PPP2R2C: variants seen among roughly 807,000 people sequenced by gnomAD.
PPP2R2C encodes the protein protein phosphatase 2 regulatory subunit Bgamma, also known as protein phosphatase 2, regulatory subunit B, gamma.
PPP2R2C carries 10 observed loss-of-function variants against 45.3 expected under a neutral mutation model. The observed-to-expected ratio is 0.22, with a 90% CI of 0.14 to 0.37. The LOEUF (loss-of-function observed/expected upper bound fraction) is 0.37, where lower values mean the gene tolerates loss of function less well. Among genes scored for constraint, PPP2R2C ranks in the 10% least tolerant of loss-of-function variants. The pLI, the probability that PPP2R2C is intolerant of heterozygous loss-of-function variation, is 1.00. For synonymous variants in PPP2R2C, 257 were observed against 245.4 expected (o/e 1.05, Z -0.44); for missense variants, 308 against 619.7 (o/e 0.50, Z 5.34).
In PPP2R2C at chr4:6,471,199, G is replaced by C. The variant is rs1361732955; in HGVS notation, c.70+961C>G. On this transcript the variant is annotated intron_variant, in intron 1 of 8. Coordinates refer to ENST00000382599, the MANE Select transcript of PPP2R2C (RefSeq NM_020416.4). The surrounding 1 kb of genome is among the most constrained non-coding windows in gnomAD (Gnocchi z 5.6). ...GGAATCCGCGCACACTTCTGCGGCC[G>C]GGCCGCCAGCCCGTGGGTTAGCGGC... Among the ~76,000 whole-genome samples, 1 of 152,170 alleles carries C rather than the reference G, an allele frequency of 6.6e-6. No individual in the cohort carries two copies. The highest frequency in any genetic ancestry group is 2.4e-5 in the African/African-American group (1 of 41,462).
intron 5 of PPP2R2C, among the ~76,000 whole-genome samples, chr4:6,358,198 T>G (rs535345222): frequency 6.6e-6 from 1 of 152,276 alleles, no homozygotes; most frequent in East Asian, 1.9e-4. Context: ...TACAACCATC[T>G]GATCTTTGAC....
intron 2 of PPP2R2C, among the ~76,000 whole-genome samples, chr4:6,477,665 G>T (rs1180018261): frequency 6.9e-6 from 1 of 145,184 alleles, no homozygotes; most frequent in Non-Finnish European, 1.5e-5. Flanking sequence ...GGCGGAGCTT[G>T]CAGTGAGCCA....
At chr4:6,434,785 C>T (rs1439949609) in intron 1 of PPP2R2C, among the ~76,000 whole-genome samples, 6 of 9,896 alleles carry the variant, frequency 6.1e-4, no homozygotes, top group East Asian at 6.0e-3. Context: ...CTTGCCTATA[C>T]GATAGATAAA....
At position 6,375,850 on chromosome 4, in the gene PPP2R2C, A is replaced by G; in HGVS notation, c.416T>C (p.Leu139Pro). The G allele has an allele frequency of 1.2e-6, 2 of 1,614,124 alleles. No homozygotes were observed. Among genetic ancestry groups the G allele is most frequent in the South Asian group, 1.1e-5 (1 of 91,068 alleles). ...GYNLKDEEGK[L>P]KDLSTVTSLQ... ...TGACGTCACCGTGGACAGGTCCTTAAGTTTCCCCTCTTCATCCTTCAGGTT... is the reference window on the plus strand; with the variant it reads ...TGACGTCACCGTGGACAGGTCCTTAGGTTTCCCCTCTTCATCCTTCAGGTT... Residue 139 changes from leucine (L) to proline (P), a missense_variant, in exon 4 of 9, where the codon CTT (leucine) becomes CCT (proline). Leu to Pro is a moderately conservative substitution (Grantham distance 98, BLOSUM62 -3). Transcript: ENST00000382599.
Position 6,472,173 on chromosome 4 carries a change from G to C in PPP2R2C, c.57C>G (p.Ser19Arg). 1 of 1,613,618 alleles carries C rather than the reference G, an allele frequency of 6.2e-7. No individual in the cohort carries two copies. Among genetic ancestry groups the C allele is most frequent in the African/African-American group, 1.3e-5 (1 of 75,032 alleles). Residue 19 changes from serine (S) to arginine (R), a missense_variant, in exon 1 of 9, where the codon AGC (serine) becomes AGG (arginine). Physicochemically the swap from Ser to Arg is moderately radical, Grantham distance 110. Coordinates refer to ENST00000382599, the MANE Select transcript of PPP2R2C (RefSeq NM_020416.4). ...KINHSFLRDH[S>R]YVTEADIIST... ...CACGTACGTTACCTTCAGTCACATA[G>C]CTGTGGTCCCGCAGGAAGCTGTGGT...
At chr4:6,442,368 A>C (rs547017696) in intron 1 of PPP2R2C, among the ~76,000 whole-genome samples, 2 of 152,366 alleles carry the variant, frequency 1.3e-5, no homozygotes, top group South Asian at 4.1e-4. Flanking sequence ...TGGGCTTAGG[A>C]ACAATGTACT....
In PPP2R2C at chr4:6,328,625, C is replaced by G. The variant is rs1202300710; in HGVS notation, c.1052+637G>C. Among the ~76,000 whole-genome samples, 3 of 152,214 alleles carry G rather than the reference C, an allele frequency of 2.0e-5. No individual in the cohort carries two copies. Among genetic ancestry groups the G allele is most frequent in the Non-Finnish European group, 4.4e-5 (3 of 68,038 alleles). Reference sequence around the variant, plus strand: ...CCCTGCCACAGCCCCCTTGTCCATGCCCGCCCTGGGCTGAGCCCAGGCTAG... The same window carrying G: ...CCCTGCCACAGCCCCCTTGTCCATGGCCGCCCTGGGCTGAGCCCAGGCTAG... On this transcript the variant is annotated intron_variant, in intron 8 of 8. Transcript: ENST00000382599. This position sits in a 1 kb window ranked among gnomAD's most constrained non-coding sequence, Gnocchi z 4.4.
Position 6,556,319 on chromosome 4 carries a change from C to T in PPP2R2C, c.-59+7241G>A, listed in dbSNP as rs1177758701. ...CAAAAAGGCAGGAGAAGGGAGAATTCACTCTCTCTGTCTGTCTGCTGGAGC... is the reference window on the plus strand; with the variant it reads ...CAAAAAGGCAGGAGAAGGGAGAATTTACTCTCTCTGTCTGTCTGCTGGAGC... On this transcript the variant is annotated intron_variant, in intron 1 of 9. Transcript: ENST00000506140. Among the ~76,000 whole-genome samples the T allele has an allele frequency of 2.0e-5, 3 of 152,160 alleles. No individual in the cohort carries two copies. The East Asian group carries it at 5.8e-4, about 29-fold the overall frequency.
At chr4:6,412,913 A>T (rs1560528222) in intron 1 of PPP2R2C, among the ~76,000 whole-genome samples, 2 of 152,212 alleles carry the variant, frequency 1.3e-5, no homozygotes, top group Non-Finnish European at 2.9e-5. Context: ...AACCAGGCAT[A>T]CGGCCTTCAA....
intron 5 of PPP2R2C, chr4:6,350,876 T>A: frequency 1.0e-6 from 1 of 984,654 alleles, no homozygotes; most frequent in African/African-American, 1.8e-5. Flanking sequence ...GAGTGGGAGG[T>A]GTGAAGTGGG....
rs562347654 is a variant in PPP2R2C, at chr4:6,450,036, T to G, written c.70+22124A>C. ...CTTTCATCGAGTTGCCTGTCCTAGA[T>G]AGCTTTGCGGGTTGCAGTTCCAGCC... On this transcript the variant is annotated intron_variant, in intron 1 of 8. Coordinates refer to ENST00000382599, the MANE Select transcript of PPP2R2C (RefSeq NM_020416.4). 3.9e-5 allele frequency among the ~76,000 whole-genome samples: 6 copies of G among 152,330 alleles called. No individual in the cohort carries two copies. In the East Asian group the frequency reaches 1.2e-3, roughly 29 times the overall value.
chr4:6,503,850 AAAG>A (rs1723135720), intron 2 of PPP2R2C, among the ~76,000 whole-genome samples: 1 of 152,172 alleles, frequency 6.6e-6, no homozygotes, highest in South Asian at 2.1e-4. Flanking sequence ...TAAGAAATGC[AAAG>A]TAGGTCCTAT....
In PPP2R2C at chr4:6,563,079, G is replaced by C. The variant is rs114654421; in HGVS notation, c.-59+481C>G. Among the ~76,000 whole-genome samples, 7 of 152,264 alleles carry C rather than the reference G, an allele frequency of 4.6e-5. No homozygotes were observed. The South Asian group carries it at 8.3e-4, about 18-fold the overall frequency. Reference sequence around the variant, plus strand: ...CGCTGCTGGATGGTACCCGCGGCCGGGACTGAACTCCGCCGCATTGGGTCT... The same window carrying C: ...CGCTGCTGGATGGTACCCGCGGCCGCGACTGAACTCCGCCGCATTGGGTCT... On this transcript the variant is annotated intron_variant, in intron 1 of 9. Coordinates refer to the PPP2R2C transcript ENST00000506140. The surrounding 1 kb of genome is among the most constrained non-coding windows in gnomAD (Gnocchi z 5.8).
chr4:6,541,341 G>T (rs1251328053), intron 1 of PPP2R2C, among the ~76,000 whole-genome samples: 2 of 152,130 alleles, frequency 1.3e-5, no homozygotes, highest in Admixed American at 6.6e-5. Flanking sequence ...CCACCTGAGG[G>T]TTGCAGCATT....
intron 2 of PPP2R2C, among the ~76,000 whole-genome samples, chr4:6,513,136 T>C (rs1577232498): frequency 6.6e-6 from 1 of 152,190 alleles, no homozygotes; most frequent in Admixed American, 6.5e-5. Flanking sequence ...CAACACGTAA[T>C]TTATACATTC....
At chr4:6,462,892 A>G (rs1721402058) in intron 1 of PPP2R2C, among the ~76,000 whole-genome samples, 1 of 152,222 alleles carries the variant, frequency 6.6e-6, no homozygotes, top group Non-Finnish European at 1.5e-5. Flanking sequence ...TCAATAGACT[A>G]TTTTCTCACA....
rs184470769 is a variant in PPP2R2C, at chr4:6,465,553, A to C, written c.70+6607T>G. On this transcript the variant is annotated intron_variant, in intron 1 of 8. Transcript: ENST00000382599. ...AAAATGCAGAGCCTCTTATTCAAAA[A>C]GCAAAGGAAAAGCATCATTAAAGGT... is the stretch of plus-strand genomic sequence containing the variant. Among the ~76,000 whole-genome samples, 321 of 152,358 alleles carry C rather than the reference A, an allele frequency of 2.1e-3. 1 individual carries two copies. The highest frequency in any genetic ancestry group is 7.5e-3 in the African/African-American group (313 of 41,584).
intron 1 of PPP2R2C, among the ~76,000 whole-genome samples, chr4:6,551,224 A>G (rs891218181): frequency 6.6e-6 from 1 of 152,240 alleles, no homozygotes; most frequent in Non-Finnish European, 1.5e-5. Context: ...CTCAGAAGGC[A>G]CTTAGAAAGC....
chr4:6,336,577 G>T, intron 6 of PPP2R2C, among the ~76,000 whole-genome samples: 1 of 143,072 alleles, frequency 7.0e-6, no homozygotes, highest in Non-Finnish European at 1.5e-5. Context: ...AGGCAGCAAA[G>T]ATGCTGTACA....
Sources: allele counts gnomAD v4.1 joint callset (sites outside exome capture counted in the v4.1 genomes callset), GRCh38; gene constraint gnomAD v4.1.1; non-coding constraint Gnocchi (gnomAD v3.1); transcripts MANE v1.5; gene names NCBI Gene and HGNC (gene_info 2026-07-23, HGNC 2026-07-21).